NLGN1: variants seen among roughly 807,000 people sequenced by gnomAD.
NLGN1 encodes neuroligin-1.
NLGN1 carries 12 observed loss-of-function variants against 65.5 expected under a neutral mutation model. The observed-to-expected ratio is 0.18, with a 90% CI of 0.12 to 0.30. The LOEUF (loss-of-function observed/expected upper bound fraction) is 0.30. Among genes scored for constraint, NLGN1 ranks in the 10% least tolerant of loss-of-function variants. The pLI is 1.00. For missense variants in NLGN1, 750 were observed against 1,007.1 expected, an observed-to-expected ratio of 0.74 and a Z score of 3.46; for synonymous variants, 350 against 359.5, an observed-to-expected ratio of 0.97 and a Z score of 0.30.
intron 2 of NLGN1, among the ~76,000 whole-genome samples, chr3:173,533,152 T>C (rs562100397): frequency 6.6e-6 from 1 of 152,328 alleles, no homozygotes; most frequent in Admixed American, 6.5e-5. Flanking sequence ...CCTTACATTA[T>C]TTTCAGTTTC....
intron 4 of NLGN1, among the ~76,000 whole-genome samples, chr3:174,235,807 C>G (rs1741593843): frequency 6.6e-6 from 1 of 152,050 alleles, no homozygotes. Context: ...TAAGAACAGA[C>G]CAAATTCCCA....
intron 2 of NLGN1, chr3:173,584,673 G>T (rs773136603): frequency 6.6e-6 from 1 of 151,286 alleles, no homozygotes; most frequent in Non-Finnish European, 1.5e-5. Context: ...CCTGATGGTC[G>T]GATTTACATG....
At chr3:173,522,676 A>T (rs995925087) in intron 2 of NLGN1, among the ~76,000 whole-genome samples, 2 of 152,028 alleles carry the variant, frequency 1.3e-5, no homozygotes, top group Admixed American at 1.3e-4. Context: ...CTAGTGATCC[A>T]CCCACCTTGG....
At chr3:174,106,714 C>T (rs1169487457) in intron 4 of NLGN1, among the ~76,000 whole-genome samples, 1 of 151,874 alleles carries the variant, frequency 6.6e-6, no homozygotes, top group Admixed American at 6.6e-5. Flanking sequence ...AGGCTATGAA[C>T]TTCCACCCTA....
chr3:173,760,102 A>C (rs1248218809), intron 3 of NLGN1, among the ~76,000 whole-genome samples: 2 of 152,062 alleles, frequency 1.3e-5, no homozygotes, highest in African/African-American at 2.4e-5. Flanking sequence ...AGTGGCTTTA[A>C]ATTTTTGCAT....
chr3:173,673,786 G>A (rs150355983), intron 3 of NLGN1, among the ~76,000 whole-genome samples: 493 of 152,134 alleles, frequency 3.2e-3, no homozygotes, highest in African/African-American at 0.011. Context: ...TTGGCATCTT[G>A]AACAAAGAAT....
At chr3:174,034,443 A>G (rs561746727) in intron 4 of NLGN1, among the ~76,000 whole-genome samples, 1 of 152,186 alleles carries the variant, frequency 6.6e-6, no homozygotes, top group East Asian at 1.9e-4. Context: ...TCTTATACTT[A>G]ATTGACCTAA....
intron 4 of NLGN1, among the ~76,000 whole-genome samples, chr3:174,054,776 A>G (rs146902799): frequency 1.3e-3 from 194 of 152,102 alleles, no homozygotes; most frequent in African/African-American, 4.5e-3. Flanking sequence ...ACTTTCCATA[A>G]AAGTTTCTAA....
At chr3:173,768,269 G>T (rs188346838) in intron 3 of NLGN1, among the ~76,000 whole-genome samples, 1 of 152,154 alleles carries the variant, frequency 6.6e-6, no homozygotes, top group Non-Finnish European at 1.5e-5. Context: ...TACTATGTGA[G>T]TTCAGAGACA....
chr3:173,792,921 A>G (rs1288790830), intron 3 of NLGN1, among the ~76,000 whole-genome samples: 1 of 152,146 alleles, frequency 6.6e-6, no homozygotes, highest in African/African-American at 2.4e-5. Context: ...GTGTTAAACC[A>G]TATTTAGTTT....
chr3:173,527,761 T>C (rs565473003), intron 2 of NLGN1, among the ~76,000 whole-genome samples: 1 of 152,346 alleles, frequency 6.6e-6, no homozygotes, highest in East Asian at 1.9e-4. Flanking sequence ...TTATATATTC[T>C]GGTTATTAAC....
chr3:173,857,606 T>A lies in NLGN1; in HGVS notation c.646+49774T>A, dbSNP rs111347413. ...TAATACAAAAAAAAATCACAGAAAG[T>A]CATGTTGCCTCCTGGATTGCGAAAA... is the stretch of plus-strand genomic sequence containing the variant. On this transcript the variant is annotated intron_variant, in intron 4 of 6. Coordinates refer to ENST00000457714, the Ensembl canonical transcript of NLGN1. Among the ~76,000 whole-genome samples the A allele has an allele frequency of 2.9e-3, 444 of 152,082 alleles. 3 individuals carry two copies. Among genetic ancestry groups the A allele is most frequent in the African/African-American group, 9.9e-3 (412 of 41,508 alleles).
chr3:173,823,948 C>T (rs1299358417), intron 4 of NLGN1, among the ~76,000 whole-genome samples: 3 of 148,688 alleles, frequency 2.0e-5, no homozygotes, highest in Admixed American at 6.7e-5. Flanking sequence ...TTTTTTAATG[C>T]TCTGTGTTAG....
At chr3:174,146,008 G>A (rs1393894061) in intron 4 of NLGN1, among the ~76,000 whole-genome samples, 1 of 152,176 alleles carries the variant, frequency 6.6e-6, no homozygotes, top group Non-Finnish European at 1.5e-5. Flanking sequence ...CACAAACCTT[G>A]TAACTGCATC....
At chr3:173,485,187 C>T (rs1727978522) in intron 2 of NLGN1, among the ~76,000 whole-genome samples, 1 of 151,270 alleles carries the variant, frequency 6.6e-6, no homozygotes, top group African/African-American at 2.4e-5. Flanking sequence ...CTTGTGAGAC[C>T]CAGAACAGCC....
At chr3:173,522,547 C>T (rs907563877) in intron 2 of NLGN1, among the ~76,000 whole-genome samples, 1 of 152,136 alleles carries the variant, frequency 6.6e-6, no homozygotes, top group Non-Finnish European at 1.5e-5. Context: ...TCTCCTGCCT[C>T]AGGCTCCCAA....
At position 174,171,028 on chromosome 3, in the gene NLGN1, A is replaced by G. The variant is rs147279794; in HGVS notation, c.647-104287A>G. On this transcript the variant is annotated intron_variant, in intron 4 of 6. Transcript: ENST00000457714. ...CAAACTCTATTAATCGTCTTACTCAATATTTTAAATTTAGTAAGGTGGTAA... is the reference window on the plus strand; with the variant it reads ...CAAACTCTATTAATCGTCTTACTCAGTATTTTAAATTTAGTAAGGTGGTAA... Among the ~76,000 whole-genome samples, 589 of 152,282 alleles carry G rather than the reference A, an allele frequency of 3.9e-3. 3 individuals are homozygous for G. The highest frequency in any genetic ancestry group is 0.014 in the African/African-American group (565 of 41,566).
At chr3:174,258,369 C>T (rs1413931495) in intron 4 of NLGN1, among the ~76,000 whole-genome samples, 1 of 151,990 alleles carries the variant, frequency 6.6e-6, no homozygotes, top group Non-Finnish European at 1.5e-5. Context: ...CCAATTCCAA[C>T]TAATAATAAA....
intron 4 of NLGN1, among the ~76,000 whole-genome samples, chr3:173,969,026 A>G (rs554828140): frequency 9.2e-5 from 14 of 151,692 alleles, no homozygotes; most frequent in Non-Finnish European, 1.5e-4. Flanking sequence ...ACATTACCAG[A>G]TTGTTACTTG....
Sources: gnomAD v4.1 joint callset for allele counts (sites outside exome capture counted in the v4.1 genomes callset) on GRCh38, gnomAD v4.1.1 for gene constraint, MANE v1.5 for transcripts, NCBI Gene and HGNC (gene_info 2026-07-23, HGNC 2026-07-21) for gene names.